Variants in ANKRD44 observed in about 807,000 individuals in gnomAD.
The protein encoded by ANKRD44 is ankyrin repeat domain 44, also known as serine/threonine-protein phosphatase 6 regulatory ankyrin repeat subunit B.
In ANKRD44, 35 loss-of-function variants were observed where a neutral mutation model predicts 116.0. The ratio of observed to expected loss-of-function variants is 0.30; its 90% CI spans 0.23 to 0.40. The LOEUF is 0.40. Ranked by LOEUF, ANKRD44 falls within the 10% of genes least tolerant of loss-of-function variation. The pLI, the probability that ANKRD44 is intolerant of heterozygous loss-of-function variation, is 1.00. For missense variants in ANKRD44, 1,014 were observed against 1,242.6 expected, an observed-to-expected ratio of 0.82 and a Z score of 2.77; for synonymous variants, 435 against 461.8, an observed-to-expected ratio of 0.94 and a Z score of 0.74.
chr2:197,214,844 T>G (rs768720110), intron 1 of ANKRD44, among the ~76,000 whole-genome samples: 19 of 152,152 alleles, frequency 1.2e-4, no homozygotes, highest in Non-Finnish European at 2.2e-4. Context: ...CAAACTGGAA[T>G]TCTGGGACTA....
chr2:197,019,593 C>T (rs2076456685), intron 17 of ANKRD44, among the ~76,000 whole-genome samples: 1 of 152,180 alleles, frequency 6.6e-6, no homozygotes, highest in Non-Finnish European at 1.5e-5. Context: ...ACCAGGCTGA[C>T]TCCCAGAGCC....
chr2:197,263,423 A>G, intron 1 of ANKRD44: 1 of 576,552 alleles, frequency 1.7e-6, no homozygotes, highest in Non-Finnish European at 3.2e-6. Flanking sequence ...TATGCCAGGA[A>G]CCCTTCTCTG....
intron 21 of ANKRD44, among the ~76,000 whole-genome samples, chr2:196,970,694 A>T (rs754245831): frequency 6.6e-6 from 1 of 152,184 alleles, no homozygotes; most frequent in Non-Finnish European, 1.5e-5. Context: ...AGATTCTGTC[A>T]CTTGATTAAA....
At chr2:197,284,198 C>T (rs10931778) in intron 1 of ANKRD44, among the ~76,000 whole-genome samples, 95,668 of 151,900 alleles carry the variant, frequency 0.63, 30,382 homozygotes, top group East Asian at 0.71. Flanking sequence ...GTGAAATCCA[C>T]TTGCAAAGAA....
chr2:197,106,718 A>C (rs1485201181), intron 9 of ANKRD44, among the ~76,000 whole-genome samples: 3 of 151,520 alleles, frequency 2.0e-5, no homozygotes, highest in Non-Finnish European at 4.4e-5. Context: ...TGAACCCGGG[A>C]GGCAAAGCTT....
At chr2:197,100,861 T>C (rs1156278591) in intron 9 of ANKRD44, among the ~76,000 whole-genome samples, 6 of 152,222 alleles carry the variant, frequency 3.9e-5, no homozygotes, top group African/African-American at 1.4e-4. Flanking sequence ...CCAGTTTTTA[T>C]TTCACTAAAT....
At chr2:197,117,321 C>G (rs189066721) in intron 8 of ANKRD44, among the ~76,000 whole-genome samples, 42 of 152,286 alleles carry the variant, frequency 2.8e-4, no homozygotes, top group African/African-American at 8.9e-4. Flanking sequence ...CTCACTGCAA[C>G]CTACGCCTCT....
chr2:197,089,912 A>T, intron 11 of ANKRD44, 38 bp downstream of exon 11: 2 of 1,572,492 alleles, frequency 1.3e-6, no homozygotes, highest in Non-Finnish European at 1.8e-6. Context: ...CATGTACAGG[A>T]CACATTAAGC....
rs534261979 is a variant in ANKRD44 at position 197,006,881 on chromosome 2, G to T, written c.2130+925C>A. Among the ~76,000 whole-genome samples, 7 of 152,290 alleles carry T rather than the reference G, an allele frequency of 4.6e-5. No individual in the cohort carries two copies. The East Asian group carries it at 1.4e-3, about 29-fold the overall frequency. ...GCACTTTGTGAGGTGGAGGCAGGAG[G>T]ATCACTTGAGCCCAGCAGTTTGAGA... On this transcript the variant is annotated intron_variant, in intron 20 of 27. Coordinates refer to ENST00000282272, the MANE Select transcript of ANKRD44 (RefSeq NM_001195144.2).
chr2:197,043,000 G>T (rs563169804), intron 16 of ANKRD44, among the ~76,000 whole-genome samples: 1 of 152,272 alleles, frequency 6.6e-6, no homozygotes, highest in East Asian at 1.9e-4. Flanking sequence ...TCCATCTGTT[G>T]TTTGTGTTTT....
intron 1 of ANKRD44, among the ~76,000 whole-genome samples, chr2:197,206,297 G>C (rs1324818201): frequency 6.6e-6 from 1 of 152,170 alleles, no homozygotes; most frequent in African/African-American, 2.4e-5. Context: ...GGACATACAA[G>C]CATGGGTGAA....
Position 197,232,155 on chromosome 2 carries a change from G to A in ANKRD44, c.28-45049C>T, listed in dbSNP as rs143594877. Among the ~76,000 whole-genome samples, 491 of 152,292 alleles carry A rather than the reference G, an allele frequency of 3.2e-3. 1 individual carries two copies. Among genetic ancestry groups the A allele is most frequent in the African/African-American group, 0.011 (465 of 41,542 alleles). ...GTTCAAAGGAGCACATGACCTAAGAGGCTGGTAATGAAGCACAAAGCTTCA... is the reference window on the plus strand; with the variant it reads ...GTTCAAAGGAGCACATGACCTAAGAAGCTGGTAATGAAGCACAAAGCTTCA... On this transcript the variant is annotated intron_variant, in intron 1 of 27. Transcript: ENST00000282272.
In ANKRD44 at chr2:197,109,519, C is replaced by T. The variant is rs193230802; in HGVS notation, c.985+1247G>A. Among the ~76,000 whole-genome samples, 373 of 152,316 alleles carry T rather than the reference C, an allele frequency of 2.4e-3. 1 individual carries two copies. Among genetic ancestry groups the T allele is most frequent in the Non-Finnish European group, 3.8e-3 (261 of 68,032 alleles). ...GATATTTTGCTTGCTAAGCATAATT[C>T]CACTGGCTGGTCTTCCATCCAAATG... is the stretch of plus-strand genomic sequence containing the variant. On this transcript the variant is annotated intron_variant, in intron 9 of 27. Coordinates refer to ENST00000282272, the MANE Select transcript of ANKRD44 (RefSeq NM_001195144.2).
chr2:197,181,097 C>G (rs1425119861), intron 2 of ANKRD44, among the ~76,000 whole-genome samples: 2 of 152,130 alleles, frequency 1.3e-5, no homozygotes. Flanking sequence ...TAGCTTGCAC[C>G]TCCAGATTTA....
intron 1 of ANKRD44, among the ~76,000 whole-genome samples, chr2:197,310,006 G>T (rs893939625): frequency 3.3e-5 from 5 of 152,170 alleles, no homozygotes; most frequent in Non-Finnish European, 5.9e-5. Flanking sequence ...GGCCCGATCC[G>T]AAAGGGCGGT....
intron 15 of ANKRD44, 98 bp from the exon 16 acceptor site, chr2:197,078,912 C>T: frequency 8.0e-7 from 1 of 1,249,742 alleles, no homozygotes; most frequent in South Asian, 1.4e-5. Flanking sequence ...CCATGAAGTA[C>T]TTTATGAGTT....
At chr2:197,208,743 T>A (rs2081262324) in intron 1 of ANKRD44, among the ~76,000 whole-genome samples, 1 of 151,942 alleles carries the variant, frequency 6.6e-6, no homozygotes, top group Admixed American at 6.6e-5. Flanking sequence ...GAGCTTGCAG[T>A]GAGCCGAGAT....
chr2:197,083,373 T>C lies in ANKRD44; in HGVS notation c.1453A>G (p.Arg485Gly). 1 of 1,611,758 alleles carries C rather than the reference T, an allele frequency of 6.2e-7. No individual in the cohort carries two copies. The highest frequency in any genetic ancestry group is 8.5e-7 in the Non-Finnish European group (1 of 1,179,130). The change falls in exon 14 of 28, where the codon AGA (arginine) becomes GGA (glycine). Residue 485 changes from arginine (R) to glycine (G), a missense_variant. Physicochemically the swap from Arg to Gly is moderately radical, Grantham distance 125. Transcript: ENST00000282272. ...LHYAAASDMD[R>G]NKTILGNAHD... ...CATGAGCAAGGCTGTTTTTACTTTC[T>C]ATCCATGTCTGATGCAGCGGCGTAA...
chr2:197,291,837 C>T (rs547665768), intron 1 of ANKRD44, among the ~76,000 whole-genome samples: 7 of 152,256 alleles, frequency 4.6e-5, no homozygotes, highest in Admixed American at 2.0e-4. Context: ...CACCACCCCA[C>T]GACAGGCCCC....
Sources: gnomAD v4.1 joint callset for allele counts (sites outside exome capture counted in the v4.1 genomes callset) on GRCh38, gnomAD v4.1.1 for gene constraint, MANE v1.5 for transcripts, NCBI Gene and HGNC (gene_info 2026-07-23, HGNC 2026-07-21) for gene names.